Variants in TP63 observed in about 807,000 individuals in gnomAD.
TP63 encodes tumor protein p63, also known as tumor protein 63.
TP63 carries 17 observed loss-of-function variants against 82.8 expected under a neutral mutation model. That is an observed-to-expected ratio of 0.21 (90% CI 0.14 to 0.31). The LOEUF is 0.31. Among genes scored for constraint, TP63 ranks in the 10% least tolerant of loss-of-function variants. The probability of loss-of-function intolerance (pLI) is 1.00; values close to 1 mark genes in which losing one functional copy is unlikely to be tolerated. For missense variants in TP63, 648 were observed against 895.3 expected (o/e 0.72, Z 3.52); for synonymous variants, 330 against 321.7 (o/e 1.03, Z -0.28).
intron 3 of TP63, among the ~76,000 whole-genome samples, chr3:189,763,198 T>C (rs1183727909): frequency 6.6e-6 from 1 of 152,096 alleles, no homozygotes; most frequent in Non-Finnish European, 1.5e-5. Flanking sequence ...TGCTTGAGCC[T>C]GGGAGGTCAA....
chr3:189,807,450 G>A (rs1205836995), intron 3 of TP63, among the ~76,000 whole-genome samples: 3 of 152,204 alleles, frequency 2.0e-5, no homozygotes, highest in Non-Finnish European at 4.4e-5. Flanking sequence ...CATTCACATA[G>A]AAGACATAAA....
At chr3:189,596,899 G>A in the TP63 span, among the ~76,000 whole-genome samples, 4 of 152,058 alleles carry the variant, frequency 2.6e-5, no homozygotes, top group East Asian at 1.9e-4. Context: ...TGAAGCCAGC[G>A]AGACCAGGAG....
chr3:189,794,621 A>G (rs919625776), intron 3 of TP63, among the ~76,000 whole-genome samples: 14 of 152,106 alleles, frequency 9.2e-5, no homozygotes, highest in Non-Finnish European at 1.8e-4. Flanking sequence ...ATCAGGAAAT[A>G]AAGTTGGAAA....
chr3:189,852,145 A>C (rs1029501854), intron 4 of TP63, among the ~76,000 whole-genome samples: 1 of 152,254 alleles, frequency 6.6e-6, no homozygotes, highest in Non-Finnish European at 1.5e-5. Context: ...TTTAACTCCT[A>C]GTCCAATAAA....
At chr3:189,610,661 G>A in the TP63 span, among the ~76,000 whole-genome samples, 1 of 152,128 alleles carries the variant, frequency 6.6e-6, no homozygotes, top group Non-Finnish European at 1.5e-5. Context: ...CCTCCAAACT[G>A]TTCCAACTTC....
chr3:189,614,992 C>T, the TP63 span, among the ~76,000 whole-genome samples: 1 of 152,208 alleles, frequency 6.6e-6, no homozygotes, highest in Admixed American at 6.5e-5. Flanking sequence ...GTTATTAATC[C>T]ACAGGATGAT....
At chr3:189,887,652 G>T (rs144198802) in intron 11 of TP63, among the ~76,000 whole-genome samples, 2 of 152,154 alleles carry the variant, frequency 1.3e-5, no homozygotes, top group African/African-American at 4.8e-5. Context: ...TAACACCCTC[G>T]GGGATACAGA....
chr3:189,785,379 A>G (rs1724518565), intron 3 of TP63, among the ~76,000 whole-genome samples: 1 of 152,078 alleles, frequency 6.6e-6, no homozygotes. Context: ...ATGAACATAA[A>G]TGTATTCTGA....
At chr3:189,665,086 T>C (rs980175666) in intron 1 of TP63, among the ~76,000 whole-genome samples, 3 of 152,194 alleles carry the variant, frequency 2.0e-5, no homozygotes, top group African/African-American at 7.2e-5. Context: ...TACATCTTAC[T>C]ATTACCTGTG....
Position 189,895,784 on chromosome 3 carries a change from G to A in TP63, c.*1282G>A, listed in dbSNP as rs1721422021. 4.4e-6 allele frequency: 1 copy of A among 226,798 alleles called. No individual in the cohort carries two copies. Among genetic ancestry groups the A allele is most frequent in the South Asian group, 1.8e-4 (1 of 5,462 alleles). 14.0% of individuals were successfully genotyped at this position (226,798 alleles called of 1,614,324 possible). A position where few individuals can be genotyped will look rare whatever the true frequency, so the allele number is the denominator to read the frequency against. On this transcript the variant is annotated 3_prime_UTR_variant, in exon 14 of 14. Transcript: ENST00000264731. The stretch of plus-strand genomic sequence containing the variant: ...GCTTGTTTACCTTTCTCTCTCTAAG[G>A]TTTACAATAGGAGTGGTGATTTGAA...
chr3:189,886,753 A>G (rs1294863932), intron 11 of TP63, among the ~76,000 whole-genome samples: 1 of 152,148 alleles, frequency 6.6e-6, no homozygotes, highest in Non-Finnish European at 1.5e-5. Flanking sequence ...ACTGGTAGAG[A>G]TAGGGACGGA....
chr3:189,705,406 G>A (rs532849181), intron 1 of TP63, among the ~76,000 whole-genome samples: 28 of 152,094 alleles, frequency 1.8e-4, no homozygotes, highest in Admixed American at 5.2e-4. Context: ...TCATTTCAAC[G>A]CTTTTCATTC....
At chr3:189,624,591 T>C in the TP63 span, among the ~76,000 whole-genome samples, 1 of 152,190 alleles carries the variant, frequency 6.6e-6, no homozygotes, top group Admixed American at 6.6e-5. Context: ...CCATTTATTT[T>C]CCTACAGACA....
Position 189,853,236 on chromosome 3 carries a change from G to A in TP63, c.580-10996G>A, listed in dbSNP as rs544158820. 1.2e-4 allele frequency among the ~76,000 whole-genome samples: 19 copies of A among 152,236 alleles called. No homozygotes were observed. The South Asian group carries it at 3.5e-3, about 28-fold the overall frequency. On this transcript the variant is annotated intron_variant, in intron 4 of 13. Coordinates refer to ENST00000264731, the MANE Select transcript of TP63 (RefSeq NM_003722.5). ...GTCTGTCCTTCACATAACAGCTACA[G>A]TAGTCTTATAGAAATAAAAATCAGA...
intron 12 of TP63, 26 bp from the exon 13 acceptor site, chr3:189,890,763 C>T (rs1237926492): frequency 1.9e-6 from 3 of 1,606,944 alleles, no homozygotes; most frequent in Non-Finnish European, 8.5e-7. Flanking sequence ...CTGTTTCCTC[C>T]TTCCTCTTCC....
chr3:189,769,065 T>C (rs1723149536), intron 3 of TP63, among the ~76,000 whole-genome samples: 1 of 152,202 alleles, frequency 6.6e-6, no homozygotes, highest in African/African-American at 2.4e-5. Context: ...TTGTGGATTA[T>C]AATAGTACCT....
chr3:189,707,100 T>C (rs1718260308), intron 1 of TP63, among the ~76,000 whole-genome samples: 1 of 152,236 alleles, frequency 6.6e-6, no homozygotes. Flanking sequence ...AGAACCATAC[T>C]AAGACATGAT....
chr3:189,618,686 A>G, the TP63 span, among the ~76,000 whole-genome samples: 32,157 of 152,068 alleles, frequency 0.21, 4,151 homozygotes, highest in Admixed American at 0.31. Context: ...TGATCCTGTT[A>G]CCCTTCCAAC....
At chr3:189,800,485 A>AG (rs1643586033) in intron 3 of TP63, among the ~76,000 whole-genome samples, 1 of 151,632 alleles carries the variant, frequency 6.6e-6, no homozygotes, top group South Asian at 2.1e-4. Flanking sequence ...TAAAAAAAAA[A>AG]AAAAGAAAAA....
Sources: allele counts gnomAD v4.1 joint callset (sites outside exome capture counted in the v4.1 genomes callset), GRCh38; gene constraint gnomAD v4.1.1; transcripts MANE v1.5; gene names NCBI Gene and HGNC (gene_info 2026-07-23, HGNC 2026-07-21).